EXTL3: variants seen among roughly 807,000 people sequenced by gnomAD.
The protein encoded by EXTL3 is exostosin like glycosyltransferase 3.
In EXTL3, 27 loss-of-function variants were observed where a neutral mutation model predicts 69.3. That is an observed-to-expected ratio of 0.39 (90% CI 0.29 to 0.54). EXTL3 has a LOEUF of 0.54. Ranked by LOEUF, EXTL3 falls within the 20% of genes least tolerant of loss-of-function variation. The pLI is 0.69. For missense variants in EXTL3, 1,003 were observed against 1,231.8 expected (o/e 0.81, Z 2.78); for synonymous variants, 511 against 499.4 (o/e 1.02, Z -0.31).
intron 1 of EXTL3, among the ~76,000 whole-genome samples, chr8:28,679,084 A>ACTCCTGACCTTGT (rs1807436357): frequency 6.6e-6 from 1 of 152,228 alleles, no homozygotes; most frequent in Non-Finnish European, 1.5e-5. Flanking sequence ...TACATTGAGT[A>ACTCCTGACCTTGT]GATTAATGCC....
chr8:28,708,373 A>G (rs1452745532), intron 1 of EXTL3, among the ~76,000 whole-genome samples: 3 of 149,732 alleles, frequency 2.0e-5, no homozygotes, highest in African/African-American at 4.9e-5. Flanking sequence ...AAGTGTCTAC[A>G]TGTAGTTCTT....
At chr8:28,638,882 C>T (rs1806698096) in intron 1 of EXTL3, among the ~76,000 whole-genome samples, 1 of 151,936 alleles carries the variant, frequency 6.6e-6, no homozygotes, top group Non-Finnish European at 1.5e-5. Flanking sequence ...CCGCCCACCT[C>T]AACGTCCCAA....
At chr8:28,624,980 G>A (rs991167078) in intron 1 of EXTL3, among the ~76,000 whole-genome samples, 1 of 152,174 alleles carries the variant, frequency 6.6e-6, no homozygotes, top group Non-Finnish European at 1.5e-5. Flanking sequence ...TTTAAAAAAT[G>A]ACCCACTGTT....
At chr8:28,648,201 T>C (rs910344516) in intron 1 of EXTL3, among the ~76,000 whole-genome samples, 11 of 152,198 alleles carry the variant, frequency 7.2e-5, no homozygotes, top group African/African-American at 2.4e-4. Flanking sequence ...TAGGAGTTTG[T>C]TTTGGGCCCC....
intron 1 of EXTL3, among the ~76,000 whole-genome samples, chr8:28,675,576 A>G (rs1365791534): frequency 1.3e-5 from 2 of 152,194 alleles, no homozygotes; most frequent in Non-Finnish European, 2.9e-5. Flanking sequence ...TTACTACCCT[A>G]CTACCCATGA....
Position 28,640,116 on chromosome 8 carries a change from A to G in EXTL3, c.-53+17306A>G, listed in dbSNP as rs186421039. ...CTCTGTCTCAAAAAAAGAAGAAAAA[A>G]AAATCCATACCCCTCTGCAGACTCT... On this transcript the variant is annotated intron_variant, in intron 1 of 6. Coordinates refer to the EXTL3 transcript ENST00000523149. Among the ~76,000 whole-genome samples, 274 of 151,804 alleles carry G rather than the reference A, an allele frequency of 1.8e-3. 1 individual carries two copies. The highest frequency in any genetic ancestry group is 6.4e-3 in the African/African-American group (263 of 41,082).
chr8:28,726,956 G>A (rs1007642852), intron 3 of EXTL3, among the ~76,000 whole-genome samples: 1 of 136,264 alleles, frequency 7.3e-6, no homozygotes, highest in African/African-American at 2.8e-5. Flanking sequence ...TTGGCTCACT[G>A]TAACCTCCAC....
chr8:28,705,557 TAAAA>T (rs879318621), intron 1 of EXTL3, among the ~76,000 whole-genome samples: 1 of 136,784 alleles, frequency 7.3e-6, no homozygotes, highest in African/African-American at 2.7e-5. Context: ...CCCTGTCTCT[TAAAA>T]AAAAAAAAAA....
chr8:28,651,304 T>C (rs1022769457), intron 1 of EXTL3, among the ~76,000 whole-genome samples: 17 of 152,150 alleles, frequency 1.1e-4, no homozygotes, highest in African/African-American at 4.1e-4. Context: ...ACATTATCCT[T>C]CCTGATAAGC....
At chr8:28,739,689 T>C (rs1440443785) in intron 5 of EXTL3, among the ~76,000 whole-genome samples, 1 of 152,204 alleles carries the variant, frequency 6.6e-6, no homozygotes, top group African/African-American at 2.4e-5. Context: ...TCTTTTTCTT[T>C]TAAAAACTTA....
rs575749917 is a variant in EXTL3, at chr8:28,743,039, C to T, written c.2422-47C>T. 30 of 1,612,508 alleles carry T rather than the reference C, an allele frequency of 1.9e-5. No homozygotes were observed. In the African/African-American group the frequency reaches 3.6e-4, roughly 19 times the overall value. On this transcript the variant is annotated intron_variant, in intron 5 of 6. Coordinates refer to ENST00000220562, the MANE Select transcript of EXTL3 (RefSeq NM_001440.4). ...GCATATTTTGGCTGAAAGCCAACAA[C>T]CTGTGTCTTGTAACAGAGCATGTGG... is the stretch of plus-strand genomic sequence containing the variant.
At chr8:28,638,723 C>T (rs1216988260) in intron 1 of EXTL3, among the ~76,000 whole-genome samples, 1 of 152,134 alleles carries the variant, frequency 6.6e-6, no homozygotes, top group Non-Finnish European at 1.5e-5. Flanking sequence ...TCTCTGCCTC[C>T]CGGGTTCGAG....
chr8:28,634,252 G>A (rs973538600), intron 1 of EXTL3, among the ~76,000 whole-genome samples: 2 of 152,190 alleles, frequency 1.3e-5, no homozygotes, highest in African/African-American at 4.8e-5. Context: ...AGAAATGATC[G>A]GTTCACATCT....
chr8:28,702,163 C>G (rs1174483510), intron 1 of EXTL3, among the ~76,000 whole-genome samples: 2 of 152,144 alleles, frequency 1.3e-5, no homozygotes, highest in East Asian at 3.9e-4. Context: ...CCACATCTGC[C>G]CCCCGCTTCT....
At chr8:28,660,589 G>A (rs1807092006) in intron 1 of EXTL3, among the ~76,000 whole-genome samples, 2 of 151,988 alleles carry the variant, frequency 1.3e-5, no homozygotes, top group Admixed American at 6.6e-5. Context: ...TAAGTGTACA[G>A]TTCAGTGGTA....
At chr8:28,733,708 CAAT>C (rs909336291) in intron 4 of EXTL3, among the ~76,000 whole-genome samples, 4 of 150,694 alleles carry the variant, frequency 2.7e-5, no homozygotes, top group Non-Finnish European at 4.4e-5. Flanking sequence ...GCATTTCTCT[CAAT>C]GATGTTGAGC....
At chr8:28,707,323 T>C (rs240943) in intron 1 of EXTL3, among the ~76,000 whole-genome samples, 49,213 of 152,098 alleles carry the variant, frequency 0.32, 8,228 homozygotes, top group African/African-American at 0.42. Context: ...TTCCTATCCT[T>C]GGTGATACAC....
Position 28,680,504 on chromosome 8 carries a change from T to C in EXTL3, c.-52-32953T>C, listed in dbSNP as rs1036498278. Among the ~76,000 whole-genome samples the C allele has an allele frequency of 4.6e-5, 7 of 152,342 alleles. No individual in the cohort carries two copies. The East Asian group carries it at 1.3e-3, about 29-fold the overall frequency. On this transcript the variant is annotated intron_variant, in intron 1 of 6. Coordinates refer to the EXTL3 transcript ENST00000523149. Reference sequence around the variant, plus strand: ...TATTTACAGGGTATGACATGATGTTTTATGTACACATTGTAAAATGATTAA... The same window carrying C: ...TATTTACAGGGTATGACATGATGTTCTATGTACACATTGTAAAATGATTAA...
In EXTL3 at chr8:28,754,061, T is replaced by TGTGTGTGTAG. The variant is rs773222877; in HGVS notation, c.*3195_*3196insGTGTGTGTAG. On this transcript the variant is annotated 3_prime_UTR_variant, in exon 7 of 7. Coordinates refer to ENST00000220562, the MANE Select transcript of EXTL3 (RefSeq NM_001440.4). The stretch of plus-strand genomic sequence containing the variant: ...GTGTGTGTGTGTGTGTGTGTGTGTG[T>TGTGTGTGTAG]AGTGGTTGTGGGGAGCTGTGTGTGC... 7.9e-6 allele frequency: 1 copy of TGTGTGTGTAG among 127,016 alleles called. No individual in the cohort carries two copies. The highest frequency in any genetic ancestry group is 8.0e-5 in the Admixed American group (1 of 12,546). 7.9% of individuals were successfully genotyped at this position (127,016 alleles called of 1,614,324 possible). A position where few individuals can be genotyped will look rare whatever the true frequency, so the allele number is the denominator to read the frequency against.
Sources: gnomAD v4.1 joint callset for allele counts (sites outside exome capture counted in the v4.1 genomes callset) on GRCh38, gnomAD v4.1.1 for gene constraint, MANE v1.5 for transcripts, NCBI Gene and HGNC (gene_info 2026-07-23, HGNC 2026-07-21) for gene names.